The following GNG7 variants were observed in gnomAD, a reference collection of about 807,000 sequenced individuals.
GNG7 encodes the protein G protein subunit gamma 7.
Under a neutral mutation model 4.0 loss-of-function variants are expected in GNG7, and 1 was observed. That is an observed-to-expected ratio of 0.25 (90% CI 0.09 to 1.18). GNG7 has a LOEUF of 1.18. Ranked by LOEUF, GNG7 falls within the 50% of genes most tolerant of loss-of-function variation. The pLI is 0.50. For synonymous variants in GNG7, 34 were observed against 36.9 expected, an observed-to-expected ratio of 0.92 and a Z score of 0.29; for missense variants, 86 against 91.9, an observed-to-expected ratio of 0.94 and a Z score of 0.26.
At chr19:2,663,353 C>T (rs759220865) in intron 1 of GNG7, among the ~76,000 whole-genome samples, 1 of 148,900 alleles carries the variant, frequency 6.7e-6, no homozygotes, top group Admixed American at 6.6e-5. Context: ...TCTCCCCCCC[C>T]TCCTCTTTCT....
rs1055708756 is a variant in GNG7 at position 2,517,940 on chromosome 19, G to A, written c.81+2668C>T. On this transcript the variant is annotated intron_variant, in intron 4 of 4. Coordinates refer to ENST00000382159, the MANE Select transcript of GNG7 (RefSeq NM_052847.3). ...TTGCCCAGCTGGGCAGCCGGGGGAC[G>A]CTCATGCCCACAGAGTGAGCCCGCC... 4.6e-5 allele frequency among the ~76,000 whole-genome samples: 7 copies of A among 152,324 alleles called. No individual in the cohort carries two copies. The East Asian group carries it at 5.8e-4, about 13-fold the overall frequency.
In GNG7 at chr19:2,553,788, CAT is replaced by C. The variant is rs1369311858; in HGVS notation, c.-38+1359_-38+1360del. On this transcript the variant is annotated intron_variant, in intron 3 of 4. Coordinates refer to ENST00000382159, the MANE Select transcript of GNG7 (RefSeq NM_052847.3). ...ATTGCATGTAATGTTATATCACACACATGTACGTATCATGTGTAATATATCAC... is the reference window on the plus strand; with the variant it reads ...ATTGCATGTAATGTTATATCACACACGTACGTATCATGTGTAATATATCAC... Among the ~76,000 whole-genome samples, 692 of 139,300 alleles carry C rather than the reference CAT, an allele frequency of 5.0e-3. 12 individuals are homozygous for C. The highest frequency in any genetic ancestry group is 0.018 in the African/African-American group (636 of 35,494). 91.4% of individuals were successfully genotyped at this position (139,300 alleles called of 152,430 possible).
chr19:2,602,915 TTC>T lies in GNG7; in HGVS notation c.-78+43307_-78+43308del, dbSNP rs774188361. On this transcript the variant is annotated intron_variant, in intron 2 of 4. Transcript: ENST00000382159. ...TTTCTCTTTTTCTTTCTTTCTTTCTTTCTTTCTTTTTGTTTCTTCCTTTCTTC... is the reference window on the plus strand; with the variant it reads ...TTTCTCTTTTTCTTTCTTTCTTTCTTTTTCTTTTTGTTTCTTCCTTTCTTC... Among the ~76,000 whole-genome samples, 1,087 of 151,678 alleles carry T rather than the reference TTC, an allele frequency of 7.2e-3. 7 individuals are homozygous for T. The highest frequency in any genetic ancestry group is 0.012 in the Non-Finnish European group (789 of 67,864).
intron 1 of GNG7, among the ~76,000 whole-genome samples, chr19:2,655,710 G>A (rs1386873176): frequency 6.6e-6 from 1 of 151,634 alleles, no homozygotes; most frequent in Non-Finnish European, 1.5e-5. Flanking sequence ...GTGGTGGCGG[G>A]CGCCTGTAGT....
intron 3 of GNG7, among the ~76,000 whole-genome samples, chr19:2,535,565 T>C (rs1978710213): frequency 6.6e-6 from 1 of 152,114 alleles, no homozygotes; most frequent in African/African-American, 2.4e-5. Flanking sequence ...CAAGAGACAT[T>C]TGCTTGGGGC....
chr19:2,602,656 T>C (rs368933851), intron 2 of GNG7, among the ~76,000 whole-genome samples: 9 of 152,314 alleles, frequency 5.9e-5, no homozygotes, highest in African/African-American at 2.2e-4. Flanking sequence ...CTACCTTCCG[T>C]GGTGTTCTGG....
In GNG7 at chr19:2,573,072, C is replaced by T. The variant is rs574577727; in HGVS notation, c.-77-17884G>A. Among the ~76,000 whole-genome samples, 286 of 145,308 alleles carry T rather than the reference C, an allele frequency of 2.0e-3. 1 individual carries two copies. The highest frequency in any genetic ancestry group is 7.2e-3 in the African/African-American group (278 of 38,612). ...ACAGAGTCTTGCCCCGTCGCCTAGG[C>T]TGGAGTGCAGTGGTGCGATCATGGC... On this transcript the variant is annotated intron_variant, in intron 2 of 4. Coordinates refer to ENST00000382159, the MANE Select transcript of GNG7 (RefSeq NM_052847.3).
At position 2,649,550 on chromosome 19, in the gene GNG7, C is replaced by T. The variant is rs562378055; in HGVS notation, c.-134-3270G>A. Among the ~76,000 whole-genome samples, 1,207 of 152,018 alleles carry T rather than the reference C, an allele frequency of 7.9e-3. 14 individuals carry two copies. Among genetic ancestry groups the T allele is most frequent in the African/African-American group, 0.027 (1,133 of 41,460 alleles). ...GATTACAGGCACCTACCACCACCCC[C>T]GGCTAATTTTTGTATTTTTAGTAGA... On this transcript the variant is annotated intron_variant, in intron 1 of 4. Transcript: ENST00000382159.
chr19:2,585,753 T>A (rs569985154), intron 2 of GNG7, among the ~76,000 whole-genome samples: 1 of 152,144 alleles, frequency 6.6e-6, no homozygotes, highest in Non-Finnish European at 1.5e-5. Flanking sequence ...CAGGCTGGAG[T>A]GCAGTGGCGC....
chr19:2,527,500 T>C (rs979928367), intron 3 of GNG7, among the ~76,000 whole-genome samples: 3 of 152,146 alleles, frequency 2.0e-5, no homozygotes. Context: ...AAACGTTTGC[T>C]GAGCAGATGG....
At chr19:2,664,685 C>G (rs1216049382) in intron 1 of GNG7, among the ~76,000 whole-genome samples, 1 of 152,204 alleles carries the variant, frequency 6.6e-6, no homozygotes, top group Non-Finnish European at 1.5e-5. Context: ...ACACCGTCTG[C>G]CCCATCGGGA....
In GNG7 at chr19:2,557,462, C is replaced by G. The variant is rs979313675; in HGVS notation, c.-77-2274G>C. ...AGTAAACATGCACAGACTCAAGAAA[C>G]GAGGGGCTGCAGGACTTTTCCTCCT... On this transcript the variant is annotated intron_variant, in intron 2 of 4. Coordinates refer to ENST00000382159, the MANE Select transcript of GNG7 (RefSeq NM_052847.3). The surrounding 1 kb of genome is among the most constrained non-coding windows in gnomAD (Gnocchi z 5.1). 6.6e-6 allele frequency among the ~76,000 whole-genome samples: 1 copy of G among 152,188 alleles called. No homozygotes were observed. Among genetic ancestry groups the G allele is most frequent in the African/African-American group, 2.4e-5 (1 of 41,454 alleles).
chr19:2,540,390 G>A (rs1426422986), intron 3 of GNG7, among the ~76,000 whole-genome samples: 1 of 152,094 alleles, frequency 6.6e-6, no homozygotes, highest in Non-Finnish European at 1.5e-5. Flanking sequence ...GGCCTCCGGT[G>A]ATCCTCCTGC....
At chr19:2,575,082 T>C (rs1326381240) in intron 2 of GNG7, among the ~76,000 whole-genome samples, 1 of 127,142 alleles carries the variant, frequency 7.9e-6, no homozygotes, top group Non-Finnish European at 1.6e-5. Context: ...CCTTTTTTTC[T>C]TTCTTTCTTT....
chr19:2,676,347 T>C (rs1178729536), intron 1 of GNG7, among the ~76,000 whole-genome samples: 2 of 152,008 alleles, frequency 1.3e-5, no homozygotes, highest in South Asian at 2.1e-4. Flanking sequence ...CATCCTGGCA[T>C]GTTCAGACAC....
chr19:2,605,951 A>C (rs1185671640), intron 2 of GNG7, among the ~76,000 whole-genome samples: 1 of 152,196 alleles, frequency 6.6e-6, no homozygotes, highest in Non-Finnish European at 1.5e-5. Context: ...CAGGTTCCAG[A>C]CATTTAGGAG....
chr19:2,567,121 A>C (rs866601011), intron 2 of GNG7, among the ~76,000 whole-genome samples: 2,765 of 45,476 alleles, frequency 0.061, 88 homozygotes, highest in African/African-American at 0.31. Context: ...CAAAAAAAAA[A>C]ACAAAAAAAA....
At chr19:2,594,253 G>A (rs1168939682) in intron 2 of GNG7, among the ~76,000 whole-genome samples, 1 of 151,976 alleles carries the variant, frequency 6.6e-6, no homozygotes, top group Non-Finnish European at 1.5e-5. Flanking sequence ...GGCACCTGTA[G>A]TCCCAGCTAC....
intron 3 of GNG7, among the ~76,000 whole-genome samples, chr19:2,530,910 G>T (rs1484413969): frequency 6.6e-6 from 1 of 152,164 alleles, no homozygotes; most frequent in Non-Finnish European, 1.5e-5. Context: ...AGCTTCACGA[G>T]GCCAAGGGTA....
Sources: allele counts gnomAD v4.1 joint callset (sites outside exome capture counted in the v4.1 genomes callset), GRCh38; gene constraint gnomAD v4.1.1; non-coding constraint Gnocchi (gnomAD v3.1); transcripts MANE v1.5; gene names NCBI Gene and HGNC (gene_info 2026-07-23, HGNC 2026-07-21).